TRIO: variants seen among roughly 807,000 people sequenced by gnomAD.
The protein encoded by TRIO is trio Rho guanine nucleotide exchange factor, also known as triple functional domain protein.
A neutral mutation model predicts 351.9 loss-of-function variants in TRIO; 58 were observed. That is an observed-to-expected ratio of 0.16 (90% confidence interval 0.13 to 0.21). The LOEUF (loss-of-function observed/expected upper bound fraction) is 0.21, where lower values mean the gene tolerates loss of function less well. Ranked by LOEUF, TRIO falls within the 10% of genes least tolerant of loss-of-function variation. TRIO has a pLI of 1.00. For missense variants in TRIO, 3,201 were observed against 4,027.8 expected (o/e 0.79, Z 5.56); for synonymous variants, 1,758 against 1,595.7 (o/e 1.10, Z -2.42).
At chr5:14,222,972 T>C (rs1451716286) in intron 1 of TRIO, among the ~76,000 whole-genome samples, 1 of 152,192 alleles carries the variant, frequency 6.6e-6, no homozygotes, top group Non-Finnish European at 1.5e-5. Context: ...CAAAAATAAA[T>C]AGGATTGTTG....
intron 36 of TRIO, among the ~76,000 whole-genome samples, chr5:14,463,883 C>T (rs778771690): frequency 6.6e-6 from 1 of 152,180 alleles, no homozygotes; most frequent in African/African-American, 2.4e-5. Context: ...ATCATGCACT[C>T]CTCTTAACCC....
chr5:14,305,687 T>A (rs1345583928), intron 8 of TRIO, among the ~76,000 whole-genome samples: 1 of 152,190 alleles, frequency 6.6e-6, no homozygotes, highest in Non-Finnish European at 1.5e-5. Flanking sequence ...TTTCCTGTTG[T>A]GCTTCACTGC....
At chr5:14,333,991 T>A (rs1050225487) in intron 10 of TRIO, among the ~76,000 whole-genome samples, 1 of 152,218 alleles carries the variant, frequency 6.6e-6, no homozygotes, top group Non-Finnish European at 1.5e-5. Context: ...CTCCCCACTT[T>A]AGTCCAGTGT....
rs56044349 is a variant in TRIO, at chr5:14,225,792, AC to A, written c.158-45022del. On this transcript the variant is annotated intron_variant, in intron 1 of 56. Coordinates refer to ENST00000344204, the MANE Select transcript of TRIO (RefSeq NM_007118.4). ...CTATCCCATCATATTCACTGCTCCC[AC>A]CCCCCCCCCCACCTCCAAGCCCAAA... Among the ~76,000 whole-genome samples the A allele has an allele frequency of 7.9e-3, 614 of 78,086 alleles. 42 individuals are homozygous for A. Among genetic ancestry groups the A allele is most frequent in the Middle Eastern group, 0.02 (3 of 150 alleles). 51.2% of individuals were successfully genotyped at this position (78,086 alleles called of 152,430 possible).
chr5:14,437,572 G>C (rs983544663), intron 34 of TRIO, among the ~76,000 whole-genome samples: 3 of 152,014 alleles, frequency 2.0e-5, no homozygotes, highest in Admixed American at 6.5e-5. Context: ...CAGCAGAGTA[G>C]GTTTCTCCTG....
chr5:14,168,348 C>T (rs895263584), intron 1 of TRIO, among the ~76,000 whole-genome samples: 4 of 152,262 alleles, frequency 2.6e-5, no homozygotes, highest in African/African-American at 9.6e-5. Context: ...ACCCTGAAAT[C>T]CCCCAAATAG....
At chr5:14,173,356 A>C (rs1789217488) in intron 1 of TRIO, among the ~76,000 whole-genome samples, 1 of 151,798 alleles carries the variant, frequency 6.6e-6, no homozygotes, top group Non-Finnish European at 1.5e-5. Flanking sequence ...GACTGCAGGC[A>C]TGCACCACCA....
At chr5:14,281,976 C>T (rs1043554662) in intron 3 of TRIO, among the ~76,000 whole-genome samples, 1 of 152,194 alleles carries the variant, frequency 6.6e-6, no homozygotes, top group South Asian at 2.1e-4. Context: ...GACAAGGCAG[C>T]CATGCCCCTC....
intron 34 of TRIO, among the ~76,000 whole-genome samples, chr5:14,457,342 C>A (rs995808202): frequency 6.9e-5 from 10 of 145,304 alleles, no homozygotes; most frequent in East Asian, 2.2e-4. Flanking sequence ...TCTGTGGCAC[C>A]GATGAGCTCC....
At chr5:14,358,422 G>C in intron 12 of TRIO, 75 bp downstream of exon 12, 1 of 1,552,820 alleles carries the variant, frequency 6.4e-7, no homozygotes, top group African/African-American at 1.4e-5. Context: ...TTTTACTCTT[G>C]TGAGTGGTCA....
chr5:14,308,871 C>T (rs1157722288), intron 8 of TRIO, among the ~76,000 whole-genome samples: 1 of 151,174 alleles, frequency 6.6e-6, no homozygotes, highest in Non-Finnish European at 1.5e-5. Flanking sequence ...CACTAAATTG[C>T]CCATCCATTG....
At chr5:14,373,141 C>G (rs973812772) in intron 18 of TRIO, among the ~76,000 whole-genome samples, 1 of 152,156 alleles carries the variant, frequency 6.6e-6, no homozygotes, top group Non-Finnish European at 1.5e-5. Context: ...GGGACCACCC[C>G]CATGATTCAG....
chr5:14,281,732 G>A (rs1409329063), intron 3 of TRIO, among the ~76,000 whole-genome samples: 1 of 152,154 alleles, frequency 6.6e-6, no homozygotes, highest in African/African-American at 2.4e-5. Flanking sequence ...AAGGGCATCA[G>A]TGGCAGCCAT....
chr5:14,238,892 C>T (rs555218969), intron 1 of TRIO, among the ~76,000 whole-genome samples: 4 of 152,190 alleles, frequency 2.6e-5, no homozygotes, highest in Non-Finnish European at 5.9e-5. Context: ...GTTAATTAAT[C>T]CTTGCAAATC....
At chr5:14,486,679 G>A (rs1024931620) in intron 47 of TRIO, among the ~76,000 whole-genome samples, 1 of 152,146 alleles carries the variant, frequency 6.6e-6, no homozygotes, top group African/African-American at 2.4e-5. Flanking sequence ...ACTCAGTTGA[G>A]TAACTAGTAA....
At position 14,288,206 on chromosome 5, in the gene TRIO, T is replaced by C. The variant is rs563924697; in HGVS notation, c.540+1143T>C. Among the ~76,000 whole-genome samples, 4 of 152,366 alleles carry C rather than the reference T, an allele frequency of 2.6e-5. No homozygotes were observed. In the East Asian group the frequency reaches 7.7e-4, roughly 29 times the overall value. ...AAAGTGCATTGTATTTAATTATAAGTGTTTTAAGTAAAAATAATGGTCTGG... is the reference window on the plus strand; with the variant it reads ...AAAGTGCATTGTATTTAATTATAAGCGTTTTAAGTAAAAATAATGGTCTGG... On this transcript the variant is annotated intron_variant, in intron 4 of 56. Transcript: ENST00000344204.
chr5:14,159,564 TA>T (rs924974468), intron 1 of TRIO, among the ~76,000 whole-genome samples: 1 of 151,890 alleles, frequency 6.6e-6, no homozygotes, highest in Non-Finnish European at 1.5e-5. Flanking sequence ...GTGAGCTTTA[TA>T]TTTTTTTTCT....
chr5:14,363,687 T>C (rs1248631923), intron 13 of TRIO, 45 bp from the exon 14 acceptor site: 1 of 1,574,548 alleles, frequency 6.4e-7, no homozygotes, highest in African/African-American at 1.3e-5. Flanking sequence ...GAGAGGTGGC[T>C]GCATGTATAT....
chr5:14,261,309 A>C (rs1795330651), intron 1 of TRIO, among the ~76,000 whole-genome samples: 1 of 152,192 alleles, frequency 6.6e-6, no homozygotes. Context: ...TCGTGGGTAA[A>C]GTAGTACAGA....
Sources: gnomAD v4.1 joint callset for allele counts (sites outside exome capture counted in the v4.1 genomes callset) on GRCh38, gnomAD v4.1.1 for gene constraint, MANE v1.5 for transcripts, NCBI Gene and HGNC (gene_info 2026-07-23, HGNC 2026-07-21) for gene names.